The following ADAMTS19 variants were observed in gnomAD, a reference collection of about 807,000 sequenced individuals.
ADAMTS19 encodes A disintegrin and metalloproteinase with thrombospondin motifs 19.
Under a neutral mutation model 153.3 loss-of-function variants are expected in ADAMTS19, and 93 were observed. The ratio of observed to expected loss-of-function variants is 0.61; its 90% CI spans 0.51 to 0.72. ADAMTS19 has a LOEUF of 0.72. ADAMTS19 is among the 30% of genes least tolerant of loss of function. The pLI is 0.00. For synonymous variants in ADAMTS19, 600 were observed against 556.6 expected, an observed-to-expected ratio of 1.08 and a Z score of -1.10; for missense variants, 1,482 against 1,552.1, an observed-to-expected ratio of 0.95 and a Z score of 0.76.
chr5:129,597,022 C>T (rs571708915), intron 8 of ADAMTS19, among the ~76,000 whole-genome samples: 1 of 152,168 alleles, frequency 6.6e-6, no homozygotes, highest in African/African-American at 2.4e-5. Context: ...TAATTCCAGC[C>T]TATGGTAGTA....
chr5:129,646,177 C>T (rs958786468), intron 11 of ADAMTS19, among the ~76,000 whole-genome samples: 3 of 151,898 alleles, frequency 2.0e-5, no homozygotes, highest in East Asian at 1.9e-4. Context: ...CGTGAGCCAC[C>T]GCGCCCGGCC....
chr5:129,519,110 T>C (rs2126744267), intron 3 of ADAMTS19, among the ~76,000 whole-genome samples: 1 of 152,220 alleles, frequency 6.6e-6, no homozygotes, highest in Admixed American at 6.6e-5. Flanking sequence ...AGCCAGTAAG[T>C]CTCAAAGGTT....
Position 129,681,243 on chromosome 5 carries a change from T to C in ADAMTS19, c.2664+1322T>C, listed in dbSNP as rs375120787. On this transcript the variant is annotated intron_variant, in intron 17 of 22. Coordinates refer to ENST00000274487, the MANE Select transcript of ADAMTS19 (RefSeq NM_133638.6). ...AAAATGCATAGTCTGATTCATTTGA[T>C]TTGGGGCAGGATCTAAAATCTGTAT... 2.6e-5 allele frequency among the ~76,000 whole-genome samples: 4 copies of C among 152,182 alleles called. No homozygotes were observed. The East Asian group carries it at 7.7e-4, about 29-fold the overall frequency.
At chr5:129,712,703 A>T (rs970508403) in intron 21 of ADAMTS19, among the ~76,000 whole-genome samples, 10 of 152,296 alleles carry the variant, frequency 6.6e-5, no homozygotes, top group Middle Eastern at 3.4e-3. Flanking sequence ...AAAACAGTCA[A>T]GTACATTGGC....
intron 6 of ADAMTS19, among the ~76,000 whole-genome samples, chr5:129,542,006 C>G (rs977187641): frequency 6.6e-5 from 10 of 152,002 alleles, no homozygotes; most frequent in African/African-American, 2.4e-4. Context: ...TATTGAGACT[C>G]TGAATATGTT....
chr5:129,687,634 T>C (rs535888891), intron 18 of ADAMTS19, among the ~76,000 whole-genome samples: 1 of 152,248 alleles, frequency 6.6e-6, no homozygotes, highest in Admixed American at 6.5e-5. Flanking sequence ...CATGAGAAAA[T>C]TGAAGGGCTT....
rs530353333 is a variant in ADAMTS19, at chr5:129,620,835, G to T, written c.1619+77G>T. ...TCTTTTTACAAATAGAGAAGCCAGTGTGGCAAAGTGGAAAGGCCACCAGAG... is the reference window on the plus strand; with the variant it reads ...TCTTTTTACAAATAGAGAAGCCAGTTTGGCAAAGTGGAAAGGCCACCAGAG... On this transcript the variant is annotated intron_variant, in intron 9 of 22. Transcript: ENST00000274487. The T allele has an allele frequency of 1.8e-5, 27 of 1,476,804 alleles. No individual in the cohort carries two copies. In the East Asian group the frequency reaches 6.3e-4, roughly 34 times the overall value. 91.5% of individuals were successfully genotyped at this position (1,476,804 alleles called of 1,614,324 possible).
chr5:129,504,862 CACACACACAG>C (rs888780612), intron 2 of ADAMTS19, among the ~76,000 whole-genome samples: 3 of 104,694 alleles, frequency 2.9e-5, no homozygotes, highest in Non-Finnish European at 5.5e-5. Flanking sequence ...ATTCTGTCTA[CACACACACAG>C]ACACACACAC....
At chr5:129,611,640 T>A (rs1238555681) in intron 8 of ADAMTS19, among the ~76,000 whole-genome samples, 4 of 152,178 alleles carry the variant, frequency 2.6e-5, no homozygotes, top group Non-Finnish European at 4.4e-5. Context: ...TCTGTTCCAT[T>A]GGTCTATATC....
intron 21 of ADAMTS19, among the ~76,000 whole-genome samples, chr5:129,715,517 T>C (rs887743527): frequency 1.2e-4 from 19 of 152,278 alleles, no homozygotes; most frequent in African/African-American, 4.6e-4. Flanking sequence ...TATATTCGAA[T>C]TGTAGTATCA....
At chr5:129,513,874 G>A (rs546943414) in intron 3 of ADAMTS19, among the ~76,000 whole-genome samples, 1 of 152,006 alleles carries the variant, frequency 6.6e-6, no homozygotes, top group South Asian at 2.1e-4. Context: ...TCAAATAGTA[G>A]GTCTTATTCA....
chr5:129,651,073 G>A (rs1241277182), intron 13 of ADAMTS19, among the ~76,000 whole-genome samples: 3 of 152,086 alleles, frequency 2.0e-5, no homozygotes, highest in Middle Eastern at 3.2e-3. Context: ...ACACCTACCC[G>A]GCTTTCCTAC....
intron 3 of ADAMTS19, among the ~76,000 whole-genome samples, chr5:129,522,330 C>CATATATATATATGT (rs1205280756): frequency 1.4e-4 from 10 of 70,974 alleles, no homozygotes; most frequent in African/African-American, 6.9e-4. Context: ...CACACACACA[C>CATATATATATATGT]ACATATATAT....
chr5:129,708,942 C>G (rs934373486), intron 21 of ADAMTS19, among the ~76,000 whole-genome samples: 3 of 152,008 alleles, frequency 2.0e-5, no homozygotes, highest in African/African-American at 7.2e-5. Context: ...CACAGTAAAT[C>G]ATTTTGGATG....
chr5:129,610,714 A>C (rs867746936), intron 8 of ADAMTS19, among the ~76,000 whole-genome samples: 27 of 152,186 alleles, frequency 1.8e-4, no homozygotes, highest in Non-Finnish European at 3.1e-4. Context: ...GTTGGTTCCA[A>C]GTCTTTGCTA....
intron 10 of ADAMTS19, among the ~76,000 whole-genome samples, chr5:129,624,030 G>T (rs1751907834): frequency 6.6e-6 from 1 of 150,532 alleles, no homozygotes; most frequent in African/African-American, 2.5e-5. Flanking sequence ...AGGAGGCTGA[G>T]GCAGGAGAAT....
chr5:129,547,678 A>C (rs1027062259), intron 6 of ADAMTS19, among the ~76,000 whole-genome samples: 4 of 150,702 alleles, frequency 2.7e-5, no homozygotes, highest in Admixed American at 6.6e-5. Context: ...AAACTACTTT[A>C]AAGTTCATAT....
rs771008188 is a variant in ADAMTS19 at position 129,551,850 on chromosome 5, A to G, written c.1329-14A>G. ...TAATTTATCTTTATTTCAGTTTTCTATTTTTCTTTCTAGGAAAGATTTCTG... is the reference window on the plus strand; with the variant it reads ...TAATTTATCTTTATTTCAGTTTTCTGTTTTTCTTTCTAGGAAAGATTTCTG... On this transcript the variant is annotated splice_polypyrimidine_tract_variant and intron_variant, in intron 6 of 22. Transcript: ENST00000274487. The G allele has an allele frequency of 1.3e-6, 2 of 1,541,456 alleles. No homozygotes were observed. The highest frequency in any genetic ancestry group is 1.2e-5 in the South Asian group (1 of 81,318).
chr5:129,726,726 G>A (rs1026040650), intron 21 of ADAMTS19, among the ~76,000 whole-genome samples: 3 of 152,022 alleles, frequency 2.0e-5, no homozygotes, highest in African/African-American at 7.2e-5. Flanking sequence ...TTGCATTTGA[G>A]GTTTGTCTGT....
Sources: allele counts gnomAD v4.1 joint callset (sites outside exome capture counted in the v4.1 genomes callset), GRCh38; gene constraint gnomAD v4.1.1; transcripts MANE v1.5; gene names NCBI Gene and HGNC (gene_info 2026-07-23, HGNC 2026-07-21).